The following SOX5 variants were observed in gnomAD, a reference collection of about 807,000 sequenced individuals.
SOX5 encodes SRY-box transcription factor 5, also known as transcription factor SOX-5.
Under a neutral mutation model 92.0 loss-of-function variants are expected in SOX5, and 9 were observed. The observed-to-expected ratio is 0.10, with a 90% CI of 0.06 to 0.17. The LOEUF (loss-of-function observed/expected upper bound fraction) is 0.17. Among genes scored for constraint, SOX5 ranks in the 10% least tolerant of loss-of-function variants. The pLI, the probability that SOX5 is intolerant of heterozygous loss-of-function variation, is 1.00. For synonymous variants in SOX5, 344 were observed against 336.3 expected (o/e 1.02, Z -0.25); for missense variants, 642 against 944.5 (o/e 0.68, Z 4.20).
intron 9 of SOX5, among the ~76,000 whole-genome samples, chr12:23,584,238 C>T (rs1054821940): frequency 4.6e-5 from 7 of 151,450 alleles, no homozygotes; most frequent in East Asian, 1.9e-4. Flanking sequence ...AGCCCATTGA[C>T]GGGGGGAAAA....
chr12:24,510,658 T>A (rs929964264), intron 1 of SOX5, among the ~76,000 whole-genome samples: 8 of 152,216 alleles, frequency 5.3e-5, no homozygotes, highest in Non-Finnish European at 1.2e-4. Flanking sequence ...GCCCTGGAAA[T>A]TCTGATAGTG....
At chr12:24,351,082 A>G (rs1438921436) in intron 2 of SOX5, among the ~76,000 whole-genome samples, 2 of 152,114 alleles carry the variant, frequency 1.3e-5, no homozygotes, top group Non-Finnish European at 2.9e-5. Context: ...AAAGAAAAGA[A>G]AAGAAAGAAC....
intron 1 of SOX5, among the ~76,000 whole-genome samples, chr12:24,450,286 C>T (rs1267804817): frequency 6.6e-6 from 1 of 152,088 alleles, no homozygotes; most frequent in African/African-American, 2.4e-5. Context: ...CTTTCTGTAA[C>T]TCAAACTTTG....
intron 3 of SOX5, chr12:23,762,569 T>C (rs1417155677): frequency 1.8e-6 from 1 of 562,264 alleles, no homozygotes; most frequent in Non-Finnish European, 3.2e-6. Context: ...AAAATACTTG[T>C]TTGTTTCCAC....
chr12:24,482,245 G>T (rs1193887487), intron 1 of SOX5, among the ~76,000 whole-genome samples: 2 of 152,108 alleles, frequency 1.3e-5, no homozygotes, highest in Non-Finnish European at 2.9e-5. Context: ...ATAAACAAAA[G>T]AAATATGCCA....
intron 4 of SOX5, among the ~76,000 whole-genome samples, chr12:24,020,268 C>T (rs1050022299): frequency 1.3e-5 from 2 of 152,146 alleles, no homozygotes; most frequent in Non-Finnish European, 2.9e-5. Flanking sequence ...AAATCAATAA[C>T]TGAAATTGTG....
intron 11 of SOX5, among the ~76,000 whole-genome samples, chr12:23,555,906 G>C (rs1014902316): frequency 2.0e-5 from 3 of 152,076 alleles, no homozygotes; most frequent in Admixed American, 6.5e-5. Context: ...AGAACAAAAG[G>C]CTATAGACAG....
chr12:24,354,192 G>T (rs1954497489), intron 2 of SOX5, among the ~76,000 whole-genome samples: 3 of 152,228 alleles, frequency 2.0e-5, no homozygotes, highest in Admixed American at 1.3e-4. Context: ...ATCAGAAAAT[G>T]TTCTCCCAGG....
At chr12:23,657,198 C>T (rs957303518) in intron 7 of SOX5, among the ~76,000 whole-genome samples, 6 of 151,880 alleles carry the variant, frequency 4.0e-5, no homozygotes, top group Non-Finnish European at 7.4e-5. Context: ...TGTGGAAAGC[C>T]GTAAAATCAA....
intron 2 of SOX5, among the ~76,000 whole-genome samples, chr12:23,873,192 G>T (rs931858567): frequency 7.9e-5 from 12 of 152,094 alleles, no homozygotes; most frequent in African/African-American, 2.7e-4. Flanking sequence ...TCGATTTAAG[G>T]GCCAAGAAAT....
intron 2 of SOX5, among the ~76,000 whole-genome samples, chr12:23,863,630 T>C (rs1183471158): frequency 6.6e-6 from 1 of 152,202 alleles, no homozygotes; most frequent in Non-Finnish European, 1.5e-5. Flanking sequence ...CAATACCATA[T>C]GATGTTTCTG....
At chr12:24,384,952 A>G (rs1020139138) in intron 1 of SOX5, among the ~76,000 whole-genome samples, 7 of 152,146 alleles carry the variant, frequency 4.6e-5, no homozygotes, top group Admixed American at 4.6e-4. Flanking sequence ...TCATCTCATC[A>G]TGTGGGCATT....
At chr12:24,409,908 T>G (rs532142108) in intron 1 of SOX5, among the ~76,000 whole-genome samples, 2 of 152,202 alleles carry the variant, frequency 1.3e-5, no homozygotes, top group Non-Finnish European at 2.9e-5. Context: ...TTGTCAGATA[T>G]ATGGTTTGCA....
chr12:24,558,001 G>A (rs1953973832), intron 1 of SOX5, among the ~76,000 whole-genome samples: 1 of 152,048 alleles, frequency 6.6e-6, no homozygotes, highest in African/African-American at 2.4e-5. Flanking sequence ...TTGCCTATAA[G>A]GTATGATTTG....
intron 3 of SOX5, among the ~76,000 whole-genome samples, chr12:23,790,947 C>T (rs1334737114): frequency 1.3e-5 from 2 of 152,162 alleles, no homozygotes; most frequent in African/African-American, 2.4e-5. Flanking sequence ...AAGTAATTGG[C>T]AAATTGGCAT....
At chr12:23,868,074 T>G (rs1202845766) in intron 2 of SOX5, among the ~76,000 whole-genome samples, 1 of 151,022 alleles carries the variant, frequency 6.6e-6, no homozygotes, top group East Asian at 2.0e-4. Flanking sequence ...CCTCCCTCAC[T>G]CCCTCTCTCC....
chr12:24,486,196 C>G (rs1420765060), intron 1 of SOX5, among the ~76,000 whole-genome samples: 1 of 152,188 alleles, frequency 6.6e-6, no homozygotes, highest in Non-Finnish European at 1.5e-5. Context: ...CTTGGCTTCC[C>G]AAAGTGCTGG....
chr12:24,332,542 A>G (rs1268934502), intron 2 of SOX5, among the ~76,000 whole-genome samples: 4 of 152,212 alleles, frequency 2.6e-5, no homozygotes, highest in Admixed American at 6.5e-5. Context: ...GAGACCTAAC[A>G]TAACAGGCTA....
At chr12:24,110,900 CAAAAAAA>C (rs67100585) in intron 4 of SOX5, among the ~76,000 whole-genome samples, 8 of 27,590 alleles carry the variant, frequency 2.9e-4, no homozygotes, top group Non-Finnish European at 4.8e-4. Context: ...GACTCCACTT[CAAAAAAA>C]AAAAAAAAAA....
Sources: allele counts gnomAD v4.1 joint callset (sites outside exome capture counted in the v4.1 genomes callset), GRCh38; gene constraint gnomAD v4.1.1; transcripts MANE v1.5; gene names NCBI Gene and HGNC (gene_info 2026-07-23, HGNC 2026-07-21).